Variants in GALNT17 observed in about 807,000 individuals in gnomAD.
GALNT17 encodes the protein UDP-GalNAc:polypeptide N-acetylgalactosaminyltransferase-like 3.
GALNT17 carries 29 observed loss-of-function variants against 63.7 expected under a neutral mutation model. The observed-to-expected ratio is 0.46, with a 90% CI of 0.34 to 0.62. GALNT17 has a LOEUF of 0.62. Among genes scored for constraint, GALNT17 ranks in the 20% least tolerant of loss-of-function variants. The probability of loss-of-function intolerance (pLI) is 0.01; values close to 1 mark genes in which losing one functional copy is unlikely to be tolerated. For synonymous variants in GALNT17, 305 were observed against 318.3 expected (o/e 0.96, Z 0.45); for missense variants, 603 against 799.6 (o/e 0.75, Z 2.97).
At chr7:71,579,009 A>G (rs937919209) in intron 6 of GALNT17, among the ~76,000 whole-genome samples, 1 of 152,210 alleles carries the variant, frequency 6.6e-6, no homozygotes, top group Non-Finnish European at 1.5e-5. Context: ...ATCATGGTCC[A>G]TCCCAGAGAG....
At chr7:71,453,296 A>C (rs1281224880) in intron 5 of GALNT17, among the ~76,000 whole-genome samples, 1 of 152,138 alleles carries the variant, frequency 6.6e-6, no homozygotes, top group Non-Finnish European at 1.5e-5. Context: ...CAGTTGTAGT[A>C]GTCTTTTGTC....
intron 2 of GALNT17, among the ~76,000 whole-genome samples, chr7:71,362,082 G>A (rs1314963211): frequency 3.9e-5 from 6 of 151,936 alleles, no homozygotes; most frequent in Non-Finnish European, 8.8e-5. Flanking sequence ...TCAGCCTCCC[G>A]AGTGGCTAGG....
At chr7:71,696,750 G>A (rs1007952309) in intron 9 of GALNT17, among the ~76,000 whole-genome samples, 1 of 152,060 alleles carries the variant, frequency 6.6e-6, no homozygotes, top group African/African-American at 2.4e-5. Flanking sequence ...ATTAGGGTGT[G>A]GATAATGACG....
chr7:71,147,439 A>T (rs1282622427), intron 1 of GALNT17, among the ~76,000 whole-genome samples: 1 of 152,130 alleles, frequency 6.6e-6, no homozygotes, highest in African/African-American at 2.4e-5. Flanking sequence ...AGCTGATTAG[A>T]TGGTGCCCAT....
chr7:71,435,134 TGGGCATCCTAGCA>T (rs1786935386), intron 5 of GALNT17, among the ~76,000 whole-genome samples: 1 of 152,154 alleles, frequency 6.6e-6, no homozygotes, highest in Non-Finnish European at 1.5e-5. Flanking sequence ...AAGACCAGCC[TGGGCATCCTAGCA>T]AGACCCCATC....
At chr7:71,226,116 A>G (rs999578620) in intron 1 of GALNT17, among the ~76,000 whole-genome samples, 2 of 152,238 alleles carry the variant, frequency 1.3e-5, no homozygotes, top group African/African-American at 4.8e-5. Context: ...AGAATTAACT[A>G]TCTTTAATTT....
At chr7:71,556,224 C>T (rs1789161046) in intron 5 of GALNT17, among the ~76,000 whole-genome samples, 1 of 152,304 alleles carries the variant, frequency 6.6e-6, no homozygotes, top group South Asian at 2.1e-4. Flanking sequence ...ATTGCTGTCA[C>T]CTGACTGTCC....
intron 6 of GALNT17, among the ~76,000 whole-genome samples, chr7:71,621,592 C>G (rs867778828): frequency 3.0e-5 from 2 of 66,886 alleles, no homozygotes; most frequent in African/African-American, 3.9e-5. Context: ...GATGGATGGA[C>G]AGACAATGGA....
intron 6 of GALNT17, among the ~76,000 whole-genome samples, chr7:71,573,257 G>A (rs562516332): frequency 3.3e-5 from 5 of 151,868 alleles, no homozygotes; most frequent in African/African-American, 7.2e-5. Context: ...TGATCTTCCC[G>A]CCTCGGCCTC....
chr7:71,381,365 C>A (rs1234164591), intron 2 of GALNT17, among the ~76,000 whole-genome samples: 1 of 152,160 alleles, frequency 6.6e-6, no homozygotes, highest in Non-Finnish European at 1.5e-5. Flanking sequence ...GTATTGATTT[C>A]TCTGTGGAGT....
intron 1 of GALNT17, among the ~76,000 whole-genome samples, chr7:71,282,667 G>T (rs536210046): frequency 6.8e-6 from 1 of 146,224 alleles, no homozygotes; most frequent in African/African-American, 2.4e-5. Context: ...GAGTCCTATG[G>T]ACTCAGGACT....
At chr7:71,251,224 T>C (rs1790192465) in intron 1 of GALNT17, among the ~76,000 whole-genome samples, 1 of 151,240 alleles carries the variant, frequency 6.6e-6, no homozygotes, top group African/African-American at 2.4e-5. Flanking sequence ...GCTTATTGTT[T>C]AGTTTGGGGG....
At chr7:71,668,768 T>A (rs1355862118) in intron 7 of GALNT17, among the ~76,000 whole-genome samples, 1 of 152,160 alleles carries the variant, frequency 6.6e-6, no homozygotes, top group Non-Finnish European at 1.5e-5. Context: ...CAGAGTCATA[T>A]TTCAGATACT....
chr7:71,186,221 G>A (rs17142812), intron 1 of GALNT17, among the ~76,000 whole-genome samples: 4,218 of 152,196 alleles, frequency 0.028, 170 homozygotes, highest in East Asian at 0.11. Flanking sequence ...ATTATTTCAA[G>A]CCAGAAGCTA....
At chr7:71,591,167 C>T (rs797007010) in intron 6 of GALNT17, among the ~76,000 whole-genome samples, 6 of 152,290 alleles carry the variant, frequency 3.9e-5, no homozygotes, top group African/African-American at 1.4e-4. Flanking sequence ...AGCGATTCTC[C>T]TGCCTCAGGC....
intron 1 of GALNT17, among the ~76,000 whole-genome samples, chr7:71,235,389 A>G (rs1203763857): frequency 2.0e-5 from 3 of 152,106 alleles, no homozygotes; most frequent in African/African-American, 7.2e-5. Flanking sequence ...ACTGCCACCG[A>G]ATTTCATTTT....
intron 9 of GALNT17, among the ~76,000 whole-genome samples, chr7:71,678,956 C>CAA (rs35898355): frequency 0.012 from 1,313 of 113,776 alleles, 11 homozygotes; most frequent in African/African-American, 0.023. Flanking sequence ...GACTCCATCT[C>CAA]AAAAAAAAAA....
In GALNT17 at chr7:71,397,360, T is replaced by G. The variant is rs576908276; in HGVS notation, c.589+8959T>G. On this transcript the variant is annotated intron_variant, in intron 3 of 10. Transcript: ENST00000333538. ...ACAGAATGCAATGGGCTTCTCTGTA[T>G]TTACTGCTTCTGATCTTATCAAGAC... 3.4e-4 allele frequency among the ~76,000 whole-genome samples: 51 copies of G among 152,228 alleles called. No individual in the cohort carries two copies. In the Middle Eastern group the frequency reaches 0.01, roughly 30 times the overall value.
At chr7:71,441,448 A>G (rs1787065308) in intron 5 of GALNT17, among the ~76,000 whole-genome samples, 1 of 151,742 alleles carries the variant, frequency 6.6e-6, no homozygotes, top group Non-Finnish European at 1.5e-5. Flanking sequence ...TTGACCCTCC[A>G]CAGTTTTTTT....
Sources: allele counts gnomAD v4.1 joint callset (sites outside exome capture counted in the v4.1 genomes callset), GRCh38; gene constraint gnomAD v4.1.1; transcripts MANE v1.5; gene names NCBI Gene and HGNC (gene_info 2026-07-23, HGNC 2026-07-21).